Variants in XPR1 observed in about 807,000 individuals in gnomAD.
XPR1 encodes the protein solute carrier family 53 member 1.
XPR1 carries 28 observed loss-of-function variants against 87.5 expected under a neutral mutation model. The observed-to-expected ratio is 0.32, with a 90% CI of 0.24 to 0.44. The LOEUF (loss-of-function observed/expected upper bound fraction) is 0.44, where lower values mean the gene tolerates loss of function less well. Ranked by LOEUF, XPR1 falls within the 20% of genes least tolerant of loss-of-function variation. The pLI is 1.00. For synonymous variants in XPR1, 300 were observed against 306.1 expected, an observed-to-expected ratio of 0.98 and a Z score of 0.21; for missense variants, 559 against 862.3, an observed-to-expected ratio of 0.65 and a Z score of 4.41.
chr1:180,757,004 G>A (rs1237236768), intron 2 of XPR1, among the ~76,000 whole-genome samples: 3 of 152,016 alleles, frequency 2.0e-5, no homozygotes, highest in Admixed American at 6.6e-5. Flanking sequence ...ATTCTTTTTC[G>A]TTGACCTATG....
At chr1:180,651,050 G>A (rs750356744) in intron 1 of XPR1, among the ~76,000 whole-genome samples, 2 of 151,588 alleles carry the variant, frequency 1.3e-5, no homozygotes, top group African/African-American at 2.4e-5. Context: ...ACCCCCTTTC[G>A]ATGTCATAAA....
At position 180,888,457 on chromosome 1, in the gene XPR1, T is replaced by G. The variant is rs1653086057; in HGVS notation, c.*4391T>G. ...TGAGAGAAAAAAAGAAAGTTGAATT[T>G]GTAGCTCTCTCAACTACAAAATCAC... On this transcript the variant is annotated 3_prime_UTR_variant, in exon 15 of 15. Coordinates refer to ENST00000367590, the MANE Select transcript of XPR1 (RefSeq NM_004736.4). 1 of 101,236 alleles carries G rather than the reference T, an allele frequency of 9.9e-6. No homozygotes were observed. Among genetic ancestry groups the G allele is most frequent in the Non-Finnish European group, 2.3e-5 (1 of 42,790 alleles). 6.3% of individuals were successfully genotyped at this position (101,236 alleles called of 1,614,324 possible). A position where few individuals can be genotyped will look rare whatever the true frequency, so the allele number is the denominator to read the frequency against.
intron 2 of XPR1, among the ~76,000 whole-genome samples, chr1:180,756,922 C>T (rs545686381): frequency 1.3e-5 from 2 of 152,326 alleles, no homozygotes; most frequent in South Asian, 4.1e-4. Flanking sequence ...GTCTTTCTCA[C>T]ATTGAATTAT....
intron 2 of XPR1, among the ~76,000 whole-genome samples, chr1:180,742,159 G>C (rs1363774418): frequency 1.3e-5 from 2 of 151,196 alleles, no homozygotes; most frequent in African/African-American, 4.9e-5. Context: ...TTCAATGTTG[G>C]TCATTTCTAT....
At chr1:180,853,351 GT>G (rs1264565983) in intron 11 of XPR1, among the ~76,000 whole-genome samples, 1 of 152,040 alleles carries the variant, frequency 6.6e-6, no homozygotes, top group African/African-American at 2.4e-5. Flanking sequence ...TTAACAGTGA[GT>G]TTTATTTCAG....
chr1:180,658,733 T>C (rs1655627245), intron 1 of XPR1, among the ~76,000 whole-genome samples: 2 of 151,618 alleles, frequency 1.3e-5, no homozygotes, highest in South Asian at 4.2e-4. Flanking sequence ...CCCAGCTTTT[T>C]TTTTTTTTTG....
chr1:180,659,369 G>A (rs149360716), intron 1 of XPR1, among the ~76,000 whole-genome samples: 13 of 60,570 alleles, frequency 2.1e-4, no homozygotes, highest in South Asian at 6.5e-4. Flanking sequence ...CCGTCCTTCC[G>A]TCCGTCCTTC....
intron 14 of XPR1, 39 bp from the exon 15 acceptor site, chr1:180,883,966 TA>T (rs1219841878): frequency 1.9e-6 from 3 of 1,579,780 alleles, no homozygotes; most frequent in Non-Finnish European, 2.6e-6. Context: ...TATATTTGGG[TA>T]ATGGACTAAG....
At chr1:180,815,269 C>T (rs552826799) in intron 7 of XPR1, among the ~76,000 whole-genome samples, 1 of 151,556 alleles carries the variant, frequency 6.6e-6, no homozygotes, top group South Asian at 2.1e-4. Context: ...TTAGTATATA[C>T]AGACTATGTT....
intron 10 of XPR1, among the ~76,000 whole-genome samples, chr1:180,836,053 C>G (rs570772390): frequency 1.4e-4 from 22 of 152,186 alleles, no homozygotes; most frequent in Middle Eastern, 3.4e-3. Flanking sequence ...CTTGACTTAT[C>G]TATCACTAAA....
At chr1:180,759,678 C>G (rs536747753) in intron 2 of XPR1, among the ~76,000 whole-genome samples, 1 of 152,238 alleles carries the variant, frequency 6.6e-6, no homozygotes, top group Admixed American at 6.5e-5. Flanking sequence ...CCGAGTTCTA[C>G]CAGAGGTACA....
chr1:180,729,284 A>G (rs1658473484), intron 2 of XPR1, among the ~76,000 whole-genome samples: 1 of 152,180 alleles, frequency 6.6e-6, no homozygotes. Context: ...GCTGTTGTGA[A>G]TAGTACTGCG....
Position 180,826,103 on chromosome 1 carries a change from T to C in XPR1, c.1134+759T>C, listed in dbSNP as rs539407417. 7.2e-5 allele frequency among the ~76,000 whole-genome samples: 11 copies of C among 152,216 alleles called. No homozygotes were observed. In the East Asian group the frequency reaches 1.9e-3, roughly 27 times the overall value. ...TGATTCTTGTTTATAATAAGTTCTT[T>C]TTTTCTTCCACTTTACCTGTCTCTT... On this transcript the variant is annotated intron_variant, in intron 9 of 14. Transcript: ENST00000367590.
chr1:180,794,870 G>C (rs1245444457), intron 3 of XPR1, among the ~76,000 whole-genome samples: 7 of 152,166 alleles, frequency 4.6e-5, no homozygotes, highest in African/African-American at 1.7e-4. Context: ...TGAGTTGCTG[G>C]TTAGAGAGAA....
In XPR1 at chr1:180,825,225, A is replaced by G. The variant is rs1571872337; in HGVS notation, c.1015A>G (p.Ile339Val). 3.1e-6 allele frequency: 5 copies of G among 1,614,004 alleles called. No individual in the cohort carries two copies. The highest frequency in any genetic ancestry group is 2.2e-5 in the East Asian group (1 of 44,872). Reference sequence around the variant, plus strand: ...CCTTCTGGCATGCTTCTTTGCTCCAATTAGTGTCATCCCCACATATGTGTA... The same window carrying G: ...CCTTCTGGCATGCTTCTTTGCTCCAGTTAGTGTCATCCCCACATATGTGTA... ...LSLLACFFAP[I>V]SVIPTYVYPL... is the part of the protein sequence containing the mutation. Residue 339 changes from isoleucine (I) to valine (V), a missense_variant, in exon 9 of 15, where the codon ATT becomes GTT. Around this residue, in one of 7 missense-constraint regions of XPR1, gnomAD observed 264 missense variants for 377.2 expected, o/e 0.70. Coordinates refer to ENST00000367590, the MANE Select transcript of XPR1 (RefSeq NM_004736.4).
chr1:180,840,532 TTGTGTG>T (rs373937004), intron 11 of XPR1, among the ~76,000 whole-genome samples: 34 of 110,444 alleles, frequency 3.1e-4, no homozygotes, highest in Admixed American at 1.8e-3. Context: ...GTTAACATAT[TTGTGTG>T]TGTGTGTGTG....
intron 2 of XPR1, among the ~76,000 whole-genome samples, chr1:180,760,660 A>G (rs1056661761): frequency 3.9e-5 from 6 of 152,212 alleles, no homozygotes; most frequent in Non-Finnish European, 2.9e-5. Context: ...GGGTAGGAAG[A>G]ATCAATATCG....
intron 2 of XPR1, among the ~76,000 whole-genome samples, chr1:180,709,813 T>G (rs1434041931): frequency 2.6e-5 from 4 of 152,158 alleles, no homozygotes; most frequent in African/African-American, 9.6e-5. Flanking sequence ...TGGTATATCT[T>G]CTTTAGGAAA....
chr1:180,791,597 A>G (rs1336638236), intron 3 of XPR1, among the ~76,000 whole-genome samples: 1 of 151,948 alleles, frequency 6.6e-6, no homozygotes, highest in Non-Finnish European at 1.5e-5. Context: ...AAAAAAATGT[A>G]CATTATGACC....
Sources: allele counts gnomAD v4.1 joint callset (sites outside exome capture counted in the v4.1 genomes callset), GRCh38; gene constraint gnomAD v4.1.1; regional missense constraint gnomAD v4.1.1; transcripts MANE v1.5; gene names NCBI Gene and HGNC (gene_info 2026-07-23, HGNC 2026-07-21).